HSPG2: variants seen among roughly 807,000 people sequenced by gnomAD.
HSPG2 encodes basement membrane-specific heparan sulfate proteoglycan core protein.
Under a neutral mutation model 526.6 loss-of-function variants are expected in HSPG2, and 278 were observed. The ratio of observed to expected loss-of-function variants is 0.53; its 90% CI spans 0.48 to 0.58. The LOEUF (loss-of-function observed/expected upper bound fraction) is 0.58, where lower values mean the gene tolerates loss of function less well. Among genes scored for constraint, HSPG2 ranks in the 20% least tolerant of loss-of-function variants. The probability of loss-of-function intolerance (pLI) is 0.00; values close to 1 mark genes in which losing one functional copy is unlikely to be tolerated. For synonymous variants in HSPG2, 2,465 were observed against 2,555.4 expected (o/e 0.96, Z 1.07); for missense variants, 5,354 against 6,099.5 (o/e 0.88, Z 4.07).
chr1:21,847,410 T>C lies in HSPG2; in HGVS notation c.8108A>G (p.Asp2703Gly). The part of the protein sequence containing the change: ...EYVCRANNNI[D>G]ALEASIVISV... ...GATGACGATGGAGGCCTCCAGGGCATCGATGTTGTTGTTGGCCCGGCACAC... is the reference window on the plus strand; with the variant it reads ...GATGACGATGGAGGCCTCCAGGGCACCGATGTTGTTGTTGGCCCGGCACAC... Residue 2703 changes from aspartate (D) to glycine (G), a missense_variant, in exon 62 of 97, where the codon GAT (aspartate) becomes GGT (glycine). By Grantham distance (94) the Asp-to-Gly change is moderately conservative (BLOSUM62 -1). Transcript: ENST00000374695. This position sits in a 1 kb window ranked among gnomAD's most constrained non-coding sequence, Gnocchi z 4.1. 1.9e-6 allele frequency: 3 copies of C among 1,613,890 alleles called. No homozygotes were observed. The highest frequency in any genetic ancestry group is 8.5e-7 in the Non-Finnish European group (1 of 1,180,012).
chr1:21,857,406 C>T (rs566580051), intron 42 of HSPG2, 21 bp from the exon 43 acceptor site: 31 of 1,608,994 alleles, frequency 1.9e-5, no homozygotes, highest in Non-Finnish European at 2.6e-5. Context: ...GGGAAGCCCC[C>T]CTGTGAGCCG....
intron 63 of HSPG2, 90 bp downstream of exon 63, chr1:21,846,358 C>T: frequency 6.2e-7 from 1 of 1,609,382 alleles, no homozygotes; most frequent in Non-Finnish European, 8.5e-7. Context: ...GTACTGCACC[C>T]CACGGGGGCT....
In HSPG2 at chr1:21,893,805, G is replaced by A. The variant is rs1429784390; in HGVS notation, c.244+2117C>T. ...ACAGAAAGACAGAGACAGAGATAAA[G>A]AAAGTGGGGCGGGGGAGAATGAGAG... On this transcript the variant is annotated intron_variant, in intron 3 of 96. Transcript: ENST00000374695. The surrounding 1 kb of genome is among the most constrained non-coding windows in gnomAD (Gnocchi z 4.3). 5.3e-5 allele frequency among the ~76,000 whole-genome samples: 8 copies of A among 151,372 alleles called. No homozygotes were observed. The highest frequency in any genetic ancestry group is 1.2e-4 in the Non-Finnish European group (8 of 67,906).
intron 85 of HSPG2, chr1:21,830,367 T>C (rs943054398): frequency 1.0e-5 from 5 of 488,568 alleles, no homozygotes; most frequent in Admixed American, 1.0e-4. Context: ...TGGTGGCGGG[T>C]AATGGGGTGG....
intron 67 of HSPG2, 107 bp downstream of exon 67, chr1:21,842,663 C>T: frequency 6.8e-7 from 1 of 1,461,944 alleles, no homozygotes; most frequent in Non-Finnish European, 9.5e-7. Flanking sequence ...TATTTTATCC[C>T]CTGGGGTCCC....
chr1:21,888,727 G>T lies in HSPG2; in HGVS notation c.575-661C>A, dbSNP rs771743351. On this transcript the variant is annotated intron_variant, in intron 6 of 96. Transcript: ENST00000374695. ...GGGTGGGGGGGTCTGTGCTGGAAAGGAAGATGTGATCAGTGGCTGTTCCAC... is the reference window on the plus strand; with the variant it reads ...GGGTGGGGGGGTCTGTGCTGGAAAGTAAGATGTGATCAGTGGCTGTTCCAC... 4.4e-6 allele frequency: 6 copies of T among 1,364,424 alleles called. No individual in the cohort carries two copies. The South Asian group carries it at 6.8e-5, about 16-fold the overall frequency. The allele number at this position is 1,364,424 out of a possible 1,614,324, so 84.5% of individuals were successfully genotyped here.
At chr1:21,829,768 T>G (rs1290396280) in intron 86 of HSPG2, 164 bp from the exon 87 acceptor site, 2 of 715,086 alleles carry the variant, frequency 2.8e-6, no homozygotes, top group Non-Finnish European at 4.6e-6. Flanking sequence ...CCCCTGCCCT[T>G]GCACACGGGG....
At chr1:21,931,072 A>T (rs1171627151) in intron 1 of HSPG2, among the ~76,000 whole-genome samples, 1 of 152,140 alleles carries the variant, frequency 6.6e-6, no homozygotes, top group Non-Finnish European at 1.5e-5. Context: ...CCTGGCACAG[A>T]TGAGCATCAT....
chr1:21,933,575 G>C (rs1452561774), intron 1 of HSPG2, among the ~76,000 whole-genome samples: 1 of 152,202 alleles, frequency 6.6e-6, no homozygotes, highest in East Asian at 1.9e-4. Context: ...CCGTCTCCCG[G>C]GCAGGGCTTC....
intron 1 of HSPG2, among the ~76,000 whole-genome samples, chr1:21,900,289 G>A (rs1643025784): frequency 6.6e-6 from 1 of 152,220 alleles, no homozygotes. Context: ...CCGGGCCCAG[G>A]CCAGAGAATT....
rs1035483912 is a variant in HSPG2, at chr1:21,838,835, C to G, written c.10140G>C (p.Leu3380=). Reference sequence around the variant, plus strand: ...GCCGGGGCTGCTTACCTTGGACGAGCAGCTGGGCAAAGGCCTCGGCTGAGC... The same window carrying G: ...GCCGGGGCTGCTTACCTTGGACGAGGAGCTGGGCAAAGGCCTCGGCTGAGC... ...KVGSAEAFAQ[L]LVQGPPGSLP... The change falls in exon 74 of 97, where the codon CTG becomes CTC. Residue 3380 remains leucine, a synonymous_variant. Coordinates refer to ENST00000374695, the MANE Select transcript of HSPG2 (RefSeq NM_005529.7). 1.2e-6 allele frequency: 2 copies of G among 1,612,136 alleles called. No homozygotes were observed. Among genetic ancestry groups the G allele is most frequent in the African/African-American group, 1.3e-5 (1 of 74,934 alleles).
rs753916827 is a variant in HSPG2 at position 21,854,636 on chromosome 1, C to T, written c.6263G>A (p.Gly2088Glu). ...CTGGGTGTGGGGAGGCAGGCTACCC[C>T]CTCGCCTGTACCAGGTGACCTGGGC... Reference protein sequence around the residue: ...AHAQVTWYRRGGSLPPHTQVH... With the variant: ...AHAQVTWYRREGSLPPHTQVH... Residue 2088 changes from glycine (G) to glutamate (E), a missense_variant, in exon 49 of 97, where the codon GGG (glycine) becomes GAG (glutamate). By Grantham distance (98) the Gly-to-Glu change is moderately conservative. Transcript: ENST00000374695. 2 of 1,580,412 alleles carry T rather than the reference C, an allele frequency of 1.3e-6. No homozygotes were observed. The highest frequency in any genetic ancestry group is 1.8e-5 in the Admixed American group (1 of 55,348).
chr1:21,847,736 T>C lies in HSPG2; in HGVS notation c.7978A>G (p.Ile2660Val), dbSNP rs766810080. 83 of 1,612,612 alleles carry C rather than the reference T, an allele frequency of 5.1e-5. No homozygotes were observed. Among genetic ancestry groups the C allele is most frequent in the Non-Finnish European group, 6.8e-5 (80 of 1,179,574 alleles). Reference protein sequence around the residue: ...NCVVARQPQAIITWYKRGGSL... With the variant: ...NCVVARQPQAVITWYKRGGSL... ...CCCCCACGCTTGTACCATGTGATGA[T>C]AGCCTGGGGCTGCCTGGCGACCACG... is the stretch of plus-strand genomic sequence containing the variant. The change falls in exon 61 of 97, where the codon ATC becomes GTC. Residue 2660 changes from isoleucine (I) to valine (V), a missense_variant. By Grantham distance (29) the Ile-to-Val change is conservative. Coordinates refer to ENST00000374695, the MANE Select transcript of HSPG2 (RefSeq NM_005529.7). This position sits in a 1 kb window ranked among gnomAD's most constrained non-coding sequence, Gnocchi z 4.1.
In HSPG2 at chr1:21,846,565, T is replaced by C. The variant is rs886044168; in HGVS notation, c.8199A>G (p.Ser2733=). 1.3e-5 allele frequency: 21 copies of C among 1,613,564 alleles called. 1 individual carries two copies. The highest frequency in any genetic ancestry group is 1.6e-4 in the Middle Eastern group (1 of 6,084). ...CCCCTTCGGCCACGTGTGAGGAGGATGACTCAATTCTGATGGGCATGGAGC... is the reference window on the plus strand; with the variant it reads ...CCCCTTCGGCCACGTGTGAGGAGGACGACTCAATTCTGATGGGCATGGAGC... The part of the protein sequence containing the change: ...PGSSMPIRIE[S]SSSHVAEGET... The change falls in exon 63 of 97, where the codon TCA becomes TCG. Residue 2733 remains serine (S), a synonymous_variant. Transcript: ENST00000374695.
rs1197025752 is a variant in HSPG2 at position 21,872,355 on chromosome 1, C to T, written c.4052G>A (p.Gly1351Glu). ...CACCAGGGCAAAGCCTTGGAAGTCCCCAGGGGCAAAGTGGGTGGAGATCTG... is the reference window on the plus strand; with the variant it reads ...CACCAGGGCAAAGCCTTGGAAGTCCTCAGGGGCAAAGTGGGTGGAGATCTG... ...RHLISTHFAP[G>E]DFQGFALVNP... Residue 1351 changes from glycine to glutamate, a missense_variant, in exon 33 of 97, where the codon GGG becomes GAG. Gly to Glu is a moderately conservative substitution (Grantham distance 98). Transcript: ENST00000374695. The surrounding 1 kb of genome is among the most constrained non-coding windows in gnomAD (Gnocchi z 5.5). 6.3e-7 allele frequency: 1 copy of T among 1,576,584 alleles called. No homozygotes were observed.
intron 55 of HSPG2, chr1:21,851,222 C>T: frequency 2.6e-6 from 1 of 384,582 alleles, no homozygotes; most frequent in South Asian, 2.5e-5. Context: ...ATTCGCCCAC[C>T]TCGGCCTCCC....
In HSPG2 at chr1:21,890,086, C is replaced by T; in HGVS notation, c.469G>A (p.Asp157Asn). 6.2e-7 allele frequency: 1 copy of T among 1,614,038 alleles called. No individual in the cohort carries two copies. Among genetic ancestry groups the T allele is most frequent in the Non-Finnish European group, 8.5e-7 (1 of 1,179,906 alleles). ...AGCATCTCCTGAATCTGAGCCCCAT[C>T]CGCATTCCCTTCCGAGCCCACATCC... Reference protein sequence around the residue: ...ELDVGSEGNADGAQIQEMLLR... With the variant: ...ELDVGSEGNANGAQIQEMLLR... The change falls in exon 6 of 97, where the codon GAT (aspartate) becomes AAT (asparagine). Residue 157 changes from aspartate (D) to asparagine (N), a missense_variant. Transcript: ENST00000374695. The surrounding 1 kb of genome is among the most constrained non-coding windows in gnomAD (Gnocchi z 4.1).
rs1183975097 is a variant in HSPG2, at chr1:21,848,753, C to T, written c.7627G>A (p.Ala2543Thr). 1.2e-6 allele frequency: 2 copies of T among 1,613,958 alleles called. No homozygotes were observed. The highest frequency in any genetic ancestry group is 3.3e-5 in the Admixed American group (2 of 60,012). The change falls in exon 59 of 97, where the codon GCC becomes ACC. Residue 2543 changes from alanine to threonine, a missense_variant. Ala to Thr is a moderately conservative substitution (Grantham distance 58). Coordinates refer to ENST00000374695, the MANE Select transcript of HSPG2 (RefSeq NM_005529.7). This position sits in a 1 kb window ranked among gnomAD's most constrained non-coding sequence, Gnocchi z 4.9. ...AGGGTGTGTCCATTGGCCAGGGAGGCTGAGGAGGACTCGATGCGGACGGGG... is the reference window on the plus strand; with the variant it reads ...AGGGTGTGTCCATTGGCCAGGGAGGTTGAGGAGGACTCGATGCGGACGGGG... ...AYPVRIESSS[A>T]SLANGHTLDL...
rs1638662572 is a variant in HSPG2, at chr1:21,848,848, G to A, written c.7585+45C>T. 2 of 1,613,132 alleles carry A rather than the reference G, an allele frequency of 1.2e-6. No homozygotes were observed. Among genetic ancestry groups the A allele is most frequent in the Non-Finnish European group, 1.7e-6 (2 of 1,179,940 alleles). On this transcript the variant is annotated intron_variant, in intron 58 of 96. Transcript: ENST00000374695. This position sits in a 1 kb window ranked among gnomAD's most constrained non-coding sequence, Gnocchi z 4.9. ...TGGGAGCTGCTGAGGGTGCAGTCGG[G>A]GTCCCCCAGCCCTCCACCATTTGCA...
Sources: gnomAD v4.1 joint callset for allele counts (sites outside exome capture counted in the v4.1 genomes callset) on GRCh38, gnomAD v4.1.1 for gene constraint, Gnocchi (gnomAD v3.1) non-coding constraint, MANE v1.5 for transcripts, NCBI Gene and HGNC (gene_info 2026-07-23, HGNC 2026-07-21) for gene names.